Variants in ROBO1 observed in about 807,000 individuals in gnomAD.
The protein encoded by ROBO1 is roundabout guidance receptor 1, also known as roundabout homolog 1.
In ROBO1, 149 loss-of-function variants were observed where a neutral mutation model predicts 195.9. The ratio of observed to expected loss-of-function variants is 0.76; its 90% confidence interval spans 0.67 to 0.87. The LOEUF (loss-of-function observed/expected upper bound fraction) is 0.87, where lower values mean the gene tolerates loss of function less well. Among genes scored for constraint, ROBO1 ranks in the 40% least tolerant of loss-of-function variants. The probability of loss-of-function intolerance (pLI) is 0.00; values close to 1 mark genes in which losing one functional copy is unlikely to be tolerated. For synonymous variants in ROBO1, 816 were observed against 733.2 expected (o/e 1.11, Z -1.82); for missense variants, 1,933 against 2,068.3 (o/e 0.93, Z 1.27).
chr3:79,550,279 T>G (rs9876224), intron 2 of ROBO1, among the ~76,000 whole-genome samples: 21,857 of 150,174 alleles, frequency 0.15, 2,123 homozygotes, highest in African/African-American at 0.26. Flanking sequence ...ATAAGCAGTT[T>G]TCTTTCTCTC....
chr3:79,314,772 T>C (rs2033658590), intron 2 of ROBO1, among the ~76,000 whole-genome samples: 2 of 152,208 alleles, frequency 1.3e-5, no homozygotes, highest in Non-Finnish European at 2.9e-5. Flanking sequence ...TCACACAGTA[T>C]ATGTTTTAGT....
At chr3:79,423,142 A>G (rs2038300428) in intron 2 of ROBO1, among the ~76,000 whole-genome samples, 1 of 152,136 alleles carries the variant, frequency 6.6e-6, no homozygotes, top group Admixed American at 6.6e-5. Context: ...CATAGATTCA[A>G]TTATGTAACA....
At chr3:79,391,427 T>C (rs888540474) in intron 2 of ROBO1, among the ~76,000 whole-genome samples, 1 of 152,186 alleles carries the variant, frequency 6.6e-6, no homozygotes, top group Non-Finnish European at 1.5e-5. Flanking sequence ...TTTTGTACTC[T>C]AATAAATAGT....
At chr3:79,050,315 T>C (rs1365909695) in intron 3 of ROBO1, among the ~76,000 whole-genome samples, 4 of 152,126 alleles carry the variant, frequency 2.6e-5, no homozygotes, top group Non-Finnish European at 5.9e-5. Flanking sequence ...CATTACATAA[T>C]GGTAAAGGGA....
At chr3:79,073,543 C>T (rs1443398326) in intron 3 of ROBO1, among the ~76,000 whole-genome samples, 1 of 151,858 alleles carries the variant, frequency 6.6e-6, no homozygotes, top group Admixed American at 6.6e-5. Flanking sequence ...TTTCACCTAC[C>T]ATGCAGTCTT....
At chr3:79,417,206 T>A (rs1402724326) in intron 2 of ROBO1, among the ~76,000 whole-genome samples, 1 of 152,088 alleles carries the variant, frequency 6.6e-6, no homozygotes, top group Admixed American at 6.6e-5. Context: ...GTAAAAGACA[T>A]TGGGGTTTTC....
chr3:78,997,580 C>T lies in ROBO1; in HGVS notation c.173-58653G>A, dbSNP rs532927386. On this transcript the variant is annotated intron_variant, in intron 3 of 30. Coordinates refer to ENST00000464233, the MANE Select transcript of ROBO1 (RefSeq NM_002941.4). ...CACACAGAGATCAAGAAGAAATCCA[C>T]TATACCCTCAAATTATTCAAAATGT... 1.8e-4 allele frequency among the ~76,000 whole-genome samples: 27 copies of T among 152,216 alleles called. No individual in the cohort carries two copies. The East Asian group carries it at 3.5e-3, about 20-fold the overall frequency.
intron 4 of ROBO1, among the ~76,000 whole-genome samples, chr3:78,881,389 T>A (rs2036171500): frequency 6.6e-6 from 1 of 152,126 alleles, no homozygotes; most frequent in Non-Finnish European, 1.5e-5. Flanking sequence ...CTGTTTACAG[T>A]GAAAATGGTT....
At chr3:79,040,427 C>A (rs959154450) in intron 3 of ROBO1, among the ~76,000 whole-genome samples, 1 of 152,208 alleles carries the variant, frequency 6.6e-6, no homozygotes, top group South Asian at 2.1e-4. Context: ...TATACAAGAG[C>A]TTATAATCTT....
intron 21 of ROBO1, among the ~76,000 whole-genome samples, chr3:78,644,574 A>C (rs1264762553): frequency 3.3e-5 from 5 of 152,152 alleles, no homozygotes; most frequent in Admixed American, 2.6e-4. Context: ...AATCAGTTTC[A>C]CTGACAGGGA....
chr3:78,808,065 G>T (rs1323936052), intron 4 of ROBO1, among the ~76,000 whole-genome samples: 2 of 151,968 alleles, frequency 1.3e-5, no homozygotes, highest in African/African-American at 4.8e-5. Context: ...GTAAAATTAG[G>T]TTAAAATACA....
intron 2 of ROBO1, among the ~76,000 whole-genome samples, chr3:79,135,625 C>T (rs936950153): frequency 6.6e-6 from 1 of 151,478 alleles, no homozygotes; most frequent in Non-Finnish European, 1.5e-5. Flanking sequence ...ATAACATTAG[C>T]AATCATTCAA....
intron 2 of ROBO1, among the ~76,000 whole-genome samples, chr3:79,482,200 C>G (rs1476821488): frequency 1.3e-5 from 2 of 152,122 alleles, no homozygotes; most frequent in African/African-American, 2.4e-5. Context: ...GGATAATACA[C>G]AGATAGGCTC....
intron 2 of ROBO1, among the ~76,000 whole-genome samples, chr3:79,310,168 C>T (rs148479001): frequency 1.3e-4 from 20 of 152,238 alleles, no homozygotes; most frequent in South Asian, 4.1e-4. Flanking sequence ...ACAGGACTCC[C>T]AACCCTGTCA....
At chr3:79,278,682 A>G (rs765217800) in intron 2 of ROBO1, among the ~76,000 whole-genome samples, 2 of 152,196 alleles carry the variant, frequency 1.3e-5, no homozygotes, top group Non-Finnish European at 2.9e-5. Flanking sequence ...CCTAAGCAAA[A>G]ATCAACTGAA....
chr3:79,695,431 T>C (rs1339448302), intron 1 of ROBO1, among the ~76,000 whole-genome samples: 1 of 151,606 alleles, frequency 6.6e-6, no homozygotes, highest in Non-Finnish European at 1.5e-5. Flanking sequence ...TGAATTTTGA[T>C]TTAATTACAC....
At chr3:79,601,011 G>A (rs985915539) in intron 1 of ROBO1, among the ~76,000 whole-genome samples, 17 of 151,964 alleles carry the variant, frequency 1.1e-4, no homozygotes, top group Admixed American at 1.1e-3. Context: ...AGTTACAAGC[G>A]GTGGTAATTT....
chr3:79,434,309 T>G (rs1165924955), intron 2 of ROBO1, among the ~76,000 whole-genome samples: 1 of 152,114 alleles, frequency 6.6e-6, no homozygotes. Flanking sequence ...ATTTTTGCAA[T>G]CTACTCATCT....
At chr3:79,096,709 T>G (rs537943800) in intron 3 of ROBO1, among the ~76,000 whole-genome samples, 1 of 150,648 alleles carries the variant, frequency 6.6e-6, no homozygotes, top group African/African-American at 2.4e-5. Context: ...TTTATATATG[T>G]ATATATACAT....
Sources: allele counts gnomAD v4.1 joint callset (sites outside exome capture counted in the v4.1 genomes callset), GRCh38; gene constraint gnomAD v4.1.1; transcripts MANE v1.5; gene names NCBI Gene and HGNC (gene_info 2026-07-23, HGNC 2026-07-21).